The following RFC1 variants were observed in gnomAD, a reference collection of about 807,000 sequenced individuals.
RFC1 encodes replication factor C subunit 1.
Under a neutral mutation model 137.4 loss-of-function variants are expected in RFC1, and 37 were observed. The observed-to-expected ratio is 0.27, with a 90% confidence interval of 0.21 to 0.35. The LOEUF is 0.35. Among genes scored for constraint, RFC1 ranks in the 10% least tolerant of loss-of-function variants. The pLI is 1.00. For missense variants in RFC1, 1,205 were observed against 1,358.5 expected, an observed-to-expected ratio of 0.89 and a Z score of 1.78; for synonymous variants, 429 against 455.7, an observed-to-expected ratio of 0.94 and a Z score of 0.75.
At chr4:39,304,782 T>C in intron 15 of RFC1, 32 bp downstream of exon 15, 1 of 1,214,598 alleles carries the variant, frequency 8.2e-7, no homozygotes, top group Non-Finnish European at 1.2e-6. Flanking sequence ...TTTTCTTATA[T>C]AACAACAACA....
chr4:39,292,131 G>C (rs1015089890), intron 22 of RFC1: 1 of 387,628 alleles, frequency 2.6e-6, no homozygotes. Flanking sequence ...TACTCTTAAG[G>C]CCCAGGCAAC....
At chr4:39,324,122 G>A (rs1739649379) in intron 6 of RFC1, among the ~76,000 whole-genome samples, 1 of 152,054 alleles carries the variant, frequency 6.6e-6, no homozygotes. Flanking sequence ...CCAAATGGCT[G>A]TATGCTCCCT....
At chr4:39,302,711 T>C (rs768382027) in intron 17 of RFC1, 26 bp downstream of exon 17, 11 of 1,552,922 alleles carry the variant, frequency 7.1e-6, no homozygotes, top group African/African-American at 1.4e-5. Context: ...GCTAGTGTGA[T>C]GGAAAAAAAA....
chr4:39,312,027 G>A (rs1738984660), intron 11 of RFC1, among the ~76,000 whole-genome samples: 1 of 152,224 alleles, frequency 6.6e-6, no homozygotes, highest in Non-Finnish European at 1.5e-5. Flanking sequence ...ACAGCTCTGA[G>A]TGGCCAGGTG....
intron 10 of RFC1, 39 bp downstream of exon 10, chr4:39,316,876 A>G: frequency 8.1e-7 from 1 of 1,228,354 alleles, no homozygotes; most frequent in Non-Finnish European, 1.2e-6. Context: ...CATACGGCAG[A>G]GGCCCTCACA....
At chr4:39,296,644 G>C (rs1738026656) in intron 21 of RFC1, among the ~76,000 whole-genome samples, 1 of 151,266 alleles carries the variant, frequency 6.6e-6, no homozygotes, top group African/African-American at 2.4e-5. Flanking sequence ...TCTTAATCCA[G>C]TCTATCATTG....
intron 24 of RFC1, 105 bp downstream of exon 24, chr4:39,289,743 G>A: frequency 1.3e-6 from 1 of 752,260 alleles, no homozygotes; most frequent in Non-Finnish European, 2.3e-6. Context: ...AACTTAAGAA[G>A]TATTTTCAAG....
intron 1 of RFC1, among the ~76,000 whole-genome samples, chr4:39,356,202 TGGCCTGGCCAACA>T (rs1741472072): frequency 6.6e-6 from 1 of 151,796 alleles, no homozygotes; most frequent in Non-Finnish European, 1.5e-5. Flanking sequence ...AGTTCCAGAC[TGGCCTGGCCAACA>T]TGGCAAAACC....
At chr4:39,328,375 GAT>G (rs1560608713) in intron 4 of RFC1, among the ~76,000 whole-genome samples, 1 of 152,126 alleles carries the variant, frequency 6.6e-6, no homozygotes, top group Non-Finnish European at 1.5e-5. Context: ...AGAGGAAACA[GAT>G]ATACAAATAA....
chr4:39,356,327 A>C (rs1483151010), intron 1 of RFC1, among the ~76,000 whole-genome samples: 1 of 152,068 alleles, frequency 6.6e-6, no homozygotes, highest in East Asian at 1.9e-4. Flanking sequence ...TGAGCCCGGG[A>C]AGTGGAGGGT....
intron 14 of RFC1, among the ~76,000 whole-genome samples, 193 bp downstream of exon 14, chr4:39,306,399 A>T (rs893614118): frequency 6.6e-6 from 1 of 152,234 alleles, no homozygotes; most frequent in Non-Finnish European, 1.5e-5. Context: ...CCAATATTTT[A>T]AAAGGATTAA....
chr4:39,291,606 A>G (rs1486741436), intron 23 of RFC1, 33 bp downstream of exon 23: 2 of 1,452,336 alleles, frequency 1.4e-6, no homozygotes, highest in African/African-American at 2.8e-5. Context: ...GGTAATAGAA[A>G]GTGACGAAGA....
At position 39,300,024 on chromosome 4, in the gene RFC1, C is replaced by A. The variant is rs574061555; in HGVS notation, c.2805G>T (p.Ala935=). Residue 935 remains alanine, a synonymous_variant, in exon 21 of 25, where the codon GCG becomes GCT. Transcript: ENST00000349703. ...RSKQNWSLLP[A]QAIYASVLPG... Reference sequence around the variant, plus strand: ...TTAGGGAGAGCCCTCTGCTCACCTGCGCAGGCAGAAGACTCCAGTTTTGCT... The same window carrying A: ...TTAGGGAGAGCCCTCTGCTCACCTGAGCAGGCAGAAGACTCCAGTTTTGCT... 3.3e-5 allele frequency: 53 copies of A among 1,601,366 alleles called. No homozygotes were observed. In the South Asian group the frequency reaches 5.0e-4, roughly 15 times the overall value.
chr4:39,319,483 TGTAAA>T (rs1739407848), intron 9 of RFC1, among the ~76,000 whole-genome samples: 2 of 152,228 alleles, frequency 1.3e-5, no homozygotes, highest in Admixed American at 6.5e-5. Flanking sequence ...AGCTACCACA[TGTAAA>T]GTATTCGCAC....
intron 4 of RFC1, among the ~76,000 whole-genome samples, chr4:39,335,821 T>C (rs1409431270): frequency 6.6e-6 from 1 of 152,242 alleles, no homozygotes; most frequent in Non-Finnish European, 1.5e-5. Flanking sequence ...GAGAGAACAG[T>C]GCTGGTCTCA....
At chr4:39,343,838 G>A (rs572375665) in intron 3 of RFC1, among the ~76,000 whole-genome samples, 2 of 152,310 alleles carry the variant, frequency 1.3e-5, no homozygotes, top group African/African-American at 4.8e-5. Context: ...AAGGCCGGGT[G>A]TGGTGGCTCA....
intron 7 of RFC1, chr4:39,322,323 A>G (rs1021259825): frequency 2.0e-5 from 3 of 152,066 alleles, no homozygotes; most frequent in Non-Finnish European, 4.4e-5. Context: ...TGAGGGGATC[A>G]ATCAAGCCCA....
intron 22 of RFC1, among the ~76,000 whole-genome samples, chr4:39,292,889 C>G (rs560003177): frequency 4.9e-4 from 75 of 152,212 alleles, no homozygotes; most frequent in African/African-American, 1.6e-3. Flanking sequence ...AGGTGATCCA[C>G]CCGCCTTGGC....
intron 22 of RFC1, among the ~76,000 whole-genome samples, chr4:39,293,440 A>C (rs1276510191): frequency 6.6e-6 from 1 of 152,214 alleles, no homozygotes; most frequent in Non-Finnish European, 1.5e-5. Flanking sequence ...AATAAAAATC[A>C]AAGCATTCAG....
Sources: allele counts gnomAD v4.1 joint callset (sites outside exome capture counted in the v4.1 genomes callset), GRCh38; gene constraint gnomAD v4.1.1; transcripts MANE v1.5; gene names NCBI Gene and HGNC (gene_info 2026-07-23, HGNC 2026-07-21).